Variants in PCDH9 observed in about 807,000 individuals in gnomAD.
PCDH9 encodes protocadherin-9.
A neutral mutation model predicts 70.6 loss-of-function variants in PCDH9; 24 were observed. The ratio of observed to expected loss-of-function variants is 0.34; its 90% CI spans 0.25 to 0.48. PCDH9 has a LOEUF of 0.48. PCDH9 is among the 20% of genes least tolerant of loss of function. The pLI is 0.99. For synonymous variants in PCDH9, 562 were observed against 558.5 expected (o/e 1.01, Z -0.09); for missense variants, 1,281 against 1,503.6 (o/e 0.85, Z 2.45).
At chr13:67,089,958 GT>G (rs911642422) in intron 2 of PCDH9, among the ~76,000 whole-genome samples, 1 of 151,846 alleles carries the variant, frequency 6.6e-6, no homozygotes, top group Admixed American at 6.6e-5. Flanking sequence ...AAGATTGGCC[GT>G]TTTTATTTTT....
intron 4 of PCDH9, among the ~76,000 whole-genome samples, chr13:66,395,881 AC>A (rs1425204107): frequency 2.0e-5 from 3 of 152,182 alleles, no homozygotes; most frequent in Non-Finnish European, 4.4e-5. Flanking sequence ...TTGCATATTT[AC>A]TATACTTTGT....
At chr13:66,815,748 C>A (rs937893063) in intron 3 of PCDH9, among the ~76,000 whole-genome samples, 1 of 151,962 alleles carries the variant, frequency 6.6e-6, no homozygotes, top group Admixed American at 6.6e-5. Context: ...AAATAGACAC[C>A]AGGGCCTACT....
chr13:66,653,795 G>A (rs370258968), intron 3 of PCDH9, among the ~76,000 whole-genome samples: 2 of 151,692 alleles, frequency 1.3e-5, no homozygotes, highest in African/African-American at 4.8e-5. Context: ...CTGAAACCCC[G>A]TCTCTACTAA....
At chr13:66,859,691 A>G (rs1281553931) in intron 3 of PCDH9, among the ~76,000 whole-genome samples, 1 of 152,204 alleles carries the variant, frequency 6.6e-6, no homozygotes, top group Non-Finnish European at 1.5e-5. Flanking sequence ...CCTGAGTGTG[A>G]AGGCATTTCT....
intron 2 of PCDH9, among the ~76,000 whole-genome samples, chr13:67,088,473 G>A (rs190236765): frequency 2.0e-5 from 3 of 152,024 alleles, no homozygotes; most frequent in Admixed American, 6.6e-5. Flanking sequence ...TTCCTAGAAG[G>A]TTAATATAAA....
intron 2 of PCDH9, among the ~76,000 whole-genome samples, chr13:66,909,999 G>A (rs956829560): frequency 2.6e-5 from 4 of 152,068 alleles, no homozygotes; most frequent in African/African-American, 9.7e-5. Flanking sequence ...TGACCCTACA[G>A]ATAATGCTCA....
At chr13:66,998,306 C>T (rs183841254) in intron 2 of PCDH9, among the ~76,000 whole-genome samples, 3 of 152,274 alleles carry the variant, frequency 2.0e-5, no homozygotes, top group Admixed American at 1.3e-4. Flanking sequence ...AAATTAATAG[C>T]AATGTGTCAA....
chr13:66,952,102 T>C (rs1440910032), intron 2 of PCDH9, among the ~76,000 whole-genome samples: 1 of 152,186 alleles, frequency 6.6e-6, no homozygotes, highest in Non-Finnish European at 1.5e-5. Context: ...ATGACATTCC[T>C]CATATGAACA....
At chr13:67,098,577 T>G (rs1254849530) in intron 2 of PCDH9, among the ~76,000 whole-genome samples, 1 of 152,110 alleles carries the variant, frequency 6.6e-6, no homozygotes, top group Non-Finnish European at 1.5e-5. Context: ...AACCAAAAAT[T>G]TTTCAAAACC....
In PCDH9 at chr13:66,480,004, G is replaced by T. The variant is rs374909565; in HGVS notation, c.3340+151206C>A. On this transcript the variant is annotated intron_variant, in intron 4 of 4. Transcript: ENST00000377865. ...AAATCCTGCTGCTGCTCACTCTTTG[G>T]GTCTGCACCACATTTAAGAGCTGAA... is the stretch of plus-strand genomic sequence containing the variant. Among the ~76,000 whole-genome samples the T allele has an allele frequency of 3.3e-5, 5 of 152,196 alleles. No homozygotes were observed. The South Asian group carries it at 6.2e-4, about 19-fold the overall frequency.
At chr13:66,621,697 C>T (rs185345261) in intron 4 of PCDH9, among the ~76,000 whole-genome samples, 4 of 152,196 alleles carry the variant, frequency 2.6e-5, no homozygotes, top group Non-Finnish European at 5.9e-5. Flanking sequence ...CAAAGACAAA[C>T]AAAAAACAAA....
At chr13:66,333,264 G>A (rs1459126317) in intron 4 of PCDH9, among the ~76,000 whole-genome samples, 1 of 152,138 alleles carries the variant, frequency 6.6e-6, no homozygotes. Context: ...AGGATACGAT[G>A]GAGATTTTAT....
chr13:66,486,594 C>T (rs1451012383), intron 4 of PCDH9, among the ~76,000 whole-genome samples: 2 of 148,628 alleles, frequency 1.3e-5, no homozygotes, highest in African/African-American at 2.5e-5. Context: ...TATGATTGTG[C>T]CATTGCTCTC....
intron 3 of PCDH9, among the ~76,000 whole-genome samples, chr13:66,634,726 C>A (rs558188932): frequency 1.3e-5 from 2 of 152,244 alleles, no homozygotes; most frequent in Admixed American, 1.3e-4. Flanking sequence ...TTTAAAACTA[C>A]ATTTTTAAAG....
In PCDH9 at chr13:66,906,524, C is replaced by T. The variant is rs554115453; in HGVS notation, c.3037-2919G>A. Among the ~76,000 whole-genome samples, 53 of 152,202 alleles carry T rather than the reference C, an allele frequency of 3.5e-4. No homozygotes were observed. The South Asian group carries it at 9.1e-3, about 26-fold the overall frequency. On this transcript the variant is annotated intron_variant, in intron 2 of 4. Coordinates refer to ENST00000377865, the MANE Select transcript of PCDH9 (RefSeq NM_203487.3). Reference sequence around the variant, plus strand: ...AAAATATGCAACATAACAAAATGAGCGCATTTGGAATATCATTGTGATGCC... The same window carrying T: ...AAAATATGCAACATAACAAAATGAGTGCATTTGGAATATCATTGTGATGCC...
At chr13:66,347,650 C>G (rs1956232597) in intron 4 of PCDH9, among the ~76,000 whole-genome samples, 2 of 152,132 alleles carry the variant, frequency 1.3e-5, no homozygotes, top group Admixed American at 1.3e-4. Context: ...GTTCATTAAC[C>G]TCTCTTCAGC....
At chr13:66,662,669 G>A (rs1344346079) in intron 3 of PCDH9, among the ~76,000 whole-genome samples, 1 of 152,176 alleles carries the variant, frequency 6.6e-6, no homozygotes, top group African/African-American at 2.4e-5. Flanking sequence ...GGAAACAATG[G>A]ATGGGCGAAT....
At chr13:66,365,848 C>T (rs541521870) in intron 4 of PCDH9, among the ~76,000 whole-genome samples, 130 of 152,208 alleles carry the variant, frequency 8.5e-4, no homozygotes, top group African/African-American at 3.0e-3. Flanking sequence ...CTTTCTGTCT[C>T]TTCTCCTTTT....
At chr13:66,865,732 G>C (rs754675375) in intron 3 of PCDH9, among the ~76,000 whole-genome samples, 10 of 152,212 alleles carry the variant, frequency 6.6e-5, no homozygotes, top group Non-Finnish European at 1.3e-4. Context: ...CCTCATTCCA[G>C]TGTGGTAGAG....
Sources: allele counts gnomAD v4.1 joint callset (sites outside exome capture counted in the v4.1 genomes callset), GRCh38; gene constraint gnomAD v4.1.1; transcripts MANE v1.5; gene names NCBI Gene and HGNC (gene_info 2026-07-23, HGNC 2026-07-21).